Variants in IFT80 observed in about 807,000 individuals in gnomAD.
IFT80 encodes the protein intraflagellar transport 80, also known as intraflagellar transport protein 80 homolog.
IFT80 carries 79 observed loss-of-function variants against 107.9 expected under a neutral mutation model. The observed-to-expected ratio is 0.73, with a 90% CI of 0.61 to 0.88. The LOEUF (loss-of-function observed/expected upper bound fraction) is 0.88, where lower values mean the gene tolerates loss of function less well. IFT80 is among the 40% of genes least tolerant of loss of function. The pLI is 0.00. For missense variants in IFT80, 797 were observed against 914.2 expected (o/e 0.87, Z 1.65); for synonymous variants, 299 against 300.9 (o/e 0.99, Z 0.07).
chr3:160,302,146 A>G (rs1716479295), intron 11 of IFT80, among the ~76,000 whole-genome samples: 1 of 152,094 alleles, frequency 6.6e-6, no homozygotes, highest in African/African-American at 2.4e-5. Context: ...TCAAAATCTT[A>G]TGTTTAATGT....
At chr3:160,383,614 C>T in intron 2 of IFT80, 1 of 951,756 alleles carries the variant, frequency 1.1e-6, no homozygotes. Flanking sequence ...AATTTCTCAG[C>T]CCTTACTTTC....
At chr3:160,382,637 G>A (rs1712610724) in intron 2 of IFT80, among the ~76,000 whole-genome samples, 1 of 152,038 alleles carries the variant, frequency 6.6e-6, no homozygotes, top group Non-Finnish European at 1.5e-5. Context: ...TGCTACGTCT[G>A]GATTTCTATA....
rs115755756 is a variant in IFT80 at position 160,367,500 on chromosome 3, C to T, written c.440-1348G>A. Among the ~76,000 whole-genome samples the T allele has an allele frequency of 9.5e-3, 1,438 of 152,156 alleles. 28 individuals are homozygous for T. Among genetic ancestry groups the T allele is most frequent in the African/African-American group, 0.032 (1,334 of 41,556 alleles). On this transcript the variant is annotated intron_variant, in intron 5 of 19. Transcript: ENST00000326448. Reference sequence around the variant, plus strand: ...ACTTCATCCAAAAACAATCTAATAACCTCCCACTCATGAATTCACAAATGG... The same window carrying T: ...ACTTCATCCAAAAACAATCTAATAATCTCCCACTCATGAATTCACAAATGG...
chr3:160,322,054 C>CT (rs1718273431), intron 8 of IFT80, among the ~76,000 whole-genome samples: 1 of 149,822 alleles, frequency 6.7e-6, no homozygotes, highest in African/African-American at 2.5e-5. Context: ...TATTATTATA[C>CT]TTTAAGTTTT....
At position 160,284,678 on chromosome 3, in the gene IFT80, T is replaced by C. The variant is rs114988056; in HGVS notation, c.1380+1126A>G. The stretch of plus-strand genomic sequence containing the variant: ...ATACTGTAATACTAACGGCAAAAGA[T>C]TGGAAACAGTTTAAATTCTGATACA... On this transcript the variant is annotated intron_variant, in intron 13 of 19. Coordinates refer to ENST00000326448, the MANE Select transcript of IFT80 (RefSeq NM_020800.3). Among the ~76,000 whole-genome samples, 723 of 152,276 alleles carry C rather than the reference T, an allele frequency of 4.7e-3. 7 individuals are homozygous for C. Among genetic ancestry groups the C allele is most frequent in the African/African-American group, 0.016 (679 of 41,570 alleles).
Position 160,377,152 on chromosome 3 carries a change from T to C in IFT80, c.370+278A>G, listed in dbSNP as rs528903463. On this transcript the variant is annotated intron_variant, in intron 4 of 19. Transcript: ENST00000326448. Reference sequence around the variant, plus strand: ...TAATGGTCAGTTAAATGAGAATATTTGGAATTTTCAAATTTTAAAGAATTA... The same window carrying C: ...TAATGGTCAGTTAAATGAGAATATTCGGAATTTTCAAATTTTAAAGAATTA... Among the ~76,000 whole-genome samples the C allele has an allele frequency of 3.9e-5, 6 of 152,308 alleles. No homozygotes were observed. The South Asian group carries it at 1.2e-3, about 32-fold the overall frequency.
At chr3:160,304,054 AT>A (rs1716643702) in intron 10 of IFT80, 65 bp from the exon 11 acceptor site, 1 of 1,028,076 alleles carries the variant, frequency 9.7e-7, no homozygotes, top group Admixed American at 1.8e-5. Flanking sequence ...AAATAAGTAG[AT>A]TGGTATTCAT....
rs980983375 is a variant in IFT80 at position 160,257,127 on chromosome 3, C to G, written c.*1398G>C. On this transcript the variant is annotated 3_prime_UTR_variant, in exon 20 of 20. Coordinates refer to ENST00000326448, the MANE Select transcript of IFT80 (RefSeq NM_020800.3). ...TATAGGAAACACATACACAGTACAA[C>G]TTGTAAGTACACTGCTCAATCAGAT... is the stretch of plus-strand genomic sequence containing the variant. 1 of 152,086 alleles carries G rather than the reference C, an allele frequency of 6.6e-6. No individual in the cohort carries two copies. Among genetic ancestry groups the G allele is most frequent in the Non-Finnish European group, 1.5e-5 (1 of 68,016 alleles). 9.4% of individuals were successfully genotyped at this position (152,086 alleles called of 1,614,324 possible).
intron 19 of IFT80, among the ~76,000 whole-genome samples, chr3:160,260,816 T>C (rs1401266057): frequency 6.6e-6 from 1 of 152,198 alleles, no homozygotes. Context: ...AATTTCAAAA[T>C]CATACCAAAA....
At chr3:160,313,013 T>C (rs1192798795) in intron 9 of IFT80, among the ~76,000 whole-genome samples, 3 of 86,270 alleles carry the variant, frequency 3.5e-5, no homozygotes, top group Non-Finnish European at 6.3e-5. Flanking sequence ...AATTAATATA[T>C]AATAAATATA....
chr3:160,285,739 T>C (rs2108240542), intron 13 of IFT80, 65 bp downstream of exon 13: 1 of 1,080,350 alleles, frequency 9.3e-7, no homozygotes, highest in Non-Finnish European at 1.4e-6. Context: ...AATGAAAACA[T>C]TAATTTTGAA....
rs202230060 is a variant in IFT80 at position 160,275,276 on chromosome 3, G to GT, written c.2099+2029dup. 4.5e-4 allele frequency among the ~76,000 whole-genome samples: 68 copies of GT among 151,388 alleles called. No homozygotes were observed. In the East Asian group the frequency reaches 5.6e-3, roughly 12 times the overall value. Reference sequence around the variant, plus strand: ...GTCATTTTTTATTCTTTAGATGGAAGTTTTTTTTTACAGAATTGATGTACT... The same window carrying GT: ...GTCATTTTTTATTCTTTAGATGGAAGTTTTTTTTTTACAGAATTGATGTACT... On this transcript the variant is annotated intron_variant, in intron 18 of 19. Transcript: ENST00000326448.
intron 12 of IFT80, among the ~76,000 whole-genome samples, chr3:160,299,751 A>G (rs1015089205): frequency 2.6e-5 from 4 of 152,220 alleles, no homozygotes; most frequent in South Asian, 2.1e-4. Context: ...TGTTTATCCT[A>G]TTGTTCACTC....
chr3:160,320,013 G>T, intron 8 of IFT80, 74 bp from the exon 9 acceptor site: 1 of 988,880 alleles, frequency 1.0e-6, no homozygotes, highest in Non-Finnish European at 1.6e-6. Context: ...TCAGGCACAT[G>T]ACAACGTAAT....
chr3:160,289,992 G>C (rs77377125), intron 12 of IFT80, among the ~76,000 whole-genome samples: 5 of 152,164 alleles, frequency 3.3e-5, no homozygotes, highest in Non-Finnish European at 5.9e-5. Context: ...TAGAATTAAG[G>C]TGAAAGTTTG....
chr3:160,373,860 AC>A (rs1711759907), intron 5 of IFT80, among the ~76,000 whole-genome samples: 4 of 152,266 alleles, frequency 2.6e-5, no homozygotes, highest in African/African-American at 9.6e-5. Flanking sequence ...AGCTGTAAAT[AC>A]AGATAAAGCT....
chr3:160,396,596 A>G (rs1239764229), intron 1 of IFT80, among the ~76,000 whole-genome samples: 1 of 152,150 alleles, frequency 6.6e-6, no homozygotes, highest in Non-Finnish European at 1.5e-5. Flanking sequence ...TCTAATGTAA[A>G]AAGTGAGGTT....
At chr3:160,301,663 C>G (rs977590617) in intron 11 of IFT80, among the ~76,000 whole-genome samples, 5 of 151,888 alleles carry the variant, frequency 3.3e-5, no homozygotes, top group African/African-American at 1.2e-4. Context: ...ATCTGCTATG[C>G]TGACAACCAT....
At chr3:160,269,562 C>T (rs535854480) in intron 18 of IFT80, among the ~76,000 whole-genome samples, 157 of 152,200 alleles carry the variant, frequency 1.0e-3, no homozygotes, top group Non-Finnish European at 1.7e-3. Context: ...AAATAAATTG[C>T]TGCTGAAAAC....
Sources: allele counts gnomAD v4.1 joint callset (sites outside exome capture counted in the v4.1 genomes callset), GRCh38; gene constraint gnomAD v4.1.1; transcripts MANE v1.5; gene names NCBI Gene and HGNC (gene_info 2026-07-23, HGNC 2026-07-21).